The following MAMLD1 variants were observed in gnomAD, a reference collection of about 807,000 sequenced individuals.
MAMLD1 encodes mastermind-like domain-containing protein 1.
Under a neutral mutation model 45.0 loss-of-function variants are expected in MAMLD1, and 14 were observed. The observed-to-expected ratio is 0.31, with a 90% CI of 0.21 to 0.49. MAMLD1 has a LOEUF of 0.49. Ranked by LOEUF, MAMLD1 falls within the 20% of genes least tolerant of loss-of-function variation. The probability of loss-of-function intolerance (pLI) is 0.99; values close to 1 mark genes in which losing one functional copy is unlikely to be tolerated. For synonymous variants in MAMLD1, 254 were observed against 247.8 expected, an observed-to-expected ratio of 1.02 and a Z score of -0.24; for missense variants, 543 against 603.6, an observed-to-expected ratio of 0.90 and a Z score of 1.05.
At chrX:150,511,717 A>T (rs782136761) in intron 7 of MAMLD1, among the ~76,000 whole-genome samples, 1 of 112,217 alleles carries the variant, frequency 8.9e-6, no homozygotes, top group East Asian at 2.8e-4. Flanking sequence ...GGAGCTTCCA[A>T]TTTTCTTGAA....
chrX:150,468,516 T>C (rs1310493134), intron 3 of MAMLD1, among the ~76,000 whole-genome samples: 1 of 111,993 alleles, frequency 8.9e-6, no homozygotes, highest in Non-Finnish European at 1.9e-5. Context: ...CTTCCTTTCC[T>C]TATTTTGATC....
intron 1 of MAMLD1, among the ~76,000 whole-genome samples, chrX:150,429,772 C>T (rs1472285091): frequency 9.0e-6 from 1 of 110,597 alleles, no homozygotes; most frequent in African/African-American, 3.3e-5. Flanking sequence ...TTTCCACCAG[C>T]AGTAAATGAG....
intron 1 of MAMLD1, among the ~76,000 whole-genome samples, chrX:150,412,245 G>A (rs1360668126): frequency 9.0e-6 from 1 of 110,934 alleles, no homozygotes; most frequent in Non-Finnish European, 1.9e-5. Flanking sequence ...AAAGATTTCA[G>A]TTCTCCCTGA....
At chrX:150,469,209 T>C (rs1174548521) in intron 3 of MAMLD1, among the ~76,000 whole-genome samples, 1 of 112,478 alleles carries the variant, frequency 8.9e-6, no homozygotes, top group Non-Finnish European at 1.9e-5. Flanking sequence ...AGTTCAATTC[T>C]ATACTATGGT....
chrX:150,383,581 T>C (rs1463552641), intron 1 of MAMLD1, among the ~76,000 whole-genome samples: 1 of 111,594 alleles, frequency 9.0e-6, no homozygotes, highest in Admixed American at 9.5e-5. Flanking sequence ...TTGTAAATGG[T>C]ATGTGTTCTC....
chrX:150,423,333 GA>G (rs2034580577), intron 1 of MAMLD1, among the ~76,000 whole-genome samples: 1 of 97,839 alleles, frequency 1.0e-5, no homozygotes, highest in South Asian at 5.1e-4. Flanking sequence ...TTCCAGGGGG[GA>G]AAAACATTAT....
chrX:150,475,364 T>C (rs782492047), intron 5 of MAMLD1, among the ~76,000 whole-genome samples: 56 of 111,750 alleles, frequency 5.0e-4, no homozygotes, highest in Middle Eastern at 9.2e-3. Flanking sequence ...CCACCGCACC[T>C]GGTCTAGATC....
At chrX:150,481,188 T>A (rs2036741952) in intron 5 of MAMLD1, among the ~76,000 whole-genome samples, 1 of 113,073 alleles carries the variant, frequency 8.8e-6, no homozygotes, top group Admixed American at 9.3e-5. Flanking sequence ...TGAGTGGGAA[T>A]AACTGGGAAT....
At chrX:150,479,946 C>T (rs1424327191) in intron 5 of MAMLD1, among the ~76,000 whole-genome samples, 1 of 111,391 alleles carries the variant, frequency 9.0e-6, no homozygotes, top group African/African-American at 3.3e-5. Context: ...TGGTGCAGAG[C>T]GCCAAGGGGA....
At chrX:150,397,361 G>T (rs115945122) in intron 1 of MAMLD1, among the ~76,000 whole-genome samples, 75 of 112,167 alleles carry the variant, frequency 6.7e-4, no homozygotes, top group African/African-American at 2.3e-3. Context: ...CAAGAGCAAG[G>T]TGTGTCTTTC....
intron 5 of MAMLD1, among the ~76,000 whole-genome samples, chrX:150,489,390 G>A (rs1159300119): frequency 7.3e-5 from 8 of 109,883 alleles, no homozygotes; most frequent in Non-Finnish European, 3.8e-5. Context: ...AGTCAAGGTA[G>A]CTTCCTTGGG....
At chrX:150,506,248 GTAGA>G (rs1320896773) in intron 6 of MAMLD1, among the ~76,000 whole-genome samples, 1 of 109,623 alleles carries the variant, frequency 9.1e-6, no homozygotes, top group East Asian at 2.9e-4. Flanking sequence ...GCATGGAGGG[GTAGA>G]TAATCTCCCC....
rs148910161 is a variant in MAMLD1, at chrX:150,469,875, C to T, written c.302C>T (p.Pro101Leu). 6.7e-5 allele frequency: 81 copies of T among 1,210,059 alleles called. No individual in the cohort carries two copies. The highest frequency in any genetic ancestry group is 8.8e-5 in the Non-Finnish European group (79 of 895,267). ...CTTGCAATGGGCCCAGGTGCTCATC[C>T]TAGTACTGCTTGTGCAGAACTGCAG... ...VTLAMGPGAHPSTACAELQVP... is the reference protein window; with the variant it reads ...VTLAMGPGAHLSTACAELQVP... Residue 101 changes from proline (P) to leucine (L), a missense_variant, in exon 4 of 8, where the codon CCT becomes CTT. Coordinates refer to ENST00000370401, the MANE Select transcript of MAMLD1 (RefSeq NM_005491.5).
intron 5 of MAMLD1, among the ~76,000 whole-genome samples, chrX:150,482,440 G>A (rs1366026338): frequency 1.8e-5 from 2 of 112,229 alleles, no homozygotes. Flanking sequence ...GATGGATGGT[G>A]GTGATAGTTG....
chrX:150,493,357 C>T (rs182316820), intron 5 of MAMLD1, among the ~76,000 whole-genome samples: 5 of 112,073 alleles, frequency 4.5e-5, no homozygotes, highest in African/African-American at 1.6e-4. Context: ...CTTTTTAAGC[C>T]TATAAATGAT....
Position 150,465,777 on chromosome X carries a change from T to A in MAMLD1, c.171+2931T>A, listed in dbSNP as rs368917023. On this transcript the variant is annotated intron_variant, in intron 3 of 7. Transcript: ENST00000370401. ...GTCACAGGGAGAGGCCTGAAAGAAG[T>A]AGGAGCTGTGGGACAGCTAGGACTA... Among the ~76,000 whole-genome samples the A allele has an allele frequency of 5.4e-5, 6 of 112,060 alleles. No individual in the cohort carries two copies. The East Asian group carries it at 8.4e-4, about 16-fold the overall frequency.
At chrX:150,441,137 A>T (rs2035303896) in intron 1 of MAMLD1, among the ~76,000 whole-genome samples, 1 of 107,602 alleles carries the variant, frequency 9.3e-6, no homozygotes, top group African/African-American at 3.3e-5. Flanking sequence ...CTGTGAAAGT[A>T]TCAAGTTAGG....
At position 150,431,402 on chromosome X, in the gene MAMLD1, T is replaced by C. The variant is rs2034939558; in HGVS notation, c.-63-14052T>C. On this transcript the variant is annotated intron_variant, in intron 1 of 7. Transcript: ENST00000370401. Reference sequence around the variant, plus strand: ...TTTTACTTCTTCTTCTTCCTTGTTTTTTTTTTTTTCTACTTTTTAAAAAAA... The same window carrying C: ...TTTTACTTCTTCTTCTTCCTTGTTTCTTTTTTTTTCTACTTTTTAAAAAAA... 2.3e-3 allele frequency among the ~76,000 whole-genome samples: 4 copies of C among 1,754 alleles called. No homozygotes were observed. In the South Asian group the frequency reaches 0.44, roughly 195 times the overall value. 1.5% of individuals were successfully genotyped at this position (1,754 alleles called of 115,157 possible).
chrX:150,372,947 T>C (rs2032101061), intron 1 of MAMLD1, among the ~76,000 whole-genome samples: 1 of 111,619 alleles, frequency 9.0e-6, no homozygotes, highest in South Asian at 3.8e-4. Context: ...ACTGATGCCC[T>C]GTGCAATAGG....
Sources: allele counts gnomAD v4.1 joint callset (sites outside exome capture counted in the v4.1 genomes callset), GRCh38; gene constraint gnomAD v4.1.1; transcripts MANE v1.5; gene names NCBI Gene and HGNC (gene_info 2026-07-23, HGNC 2026-07-21).